Variants in GRIA2 observed in about 807,000 individuals in gnomAD.
GRIA2 encodes glutamate ionotropic receptor AMPA type subunit 2.
A neutral mutation model predicts 97.3 loss-of-function variants in GRIA2; 14 were observed. That is an observed-to-expected ratio of 0.14 (90% CI 0.10 to 0.23). The LOEUF is 0.23. Among genes scored for constraint, GRIA2 ranks in the 10% least tolerant of loss-of-function variants. The pLI is 1.00. For missense variants in GRIA2, 558 were observed against 1,069.8 expected, an observed-to-expected ratio of 0.52 and a Z score of 6.67; for synonymous variants, 412 against 387.8, an observed-to-expected ratio of 1.06 and a Z score of -0.73.
rs1729456442 is a variant in GRIA2, at chr4:157,220,814, A to G, written c.-229A>G. On this transcript the variant is annotated 5_prime_UTR_variant, in exon 1 of 16. Coordinates refer to ENST00000264426, the MANE Select transcript of GRIA2 (RefSeq NM_001083619.3). Reference sequence around the variant, plus strand: ...GCTCCGCTGAAAACTGCATTCAGCCAGTCCTCCGGACTTCTGGAGCGGGGA... The same window carrying G: ...GCTCCGCTGAAAACTGCATTCAGCCGGTCCTCCGGACTTCTGGAGCGGGGA... The G allele has an allele frequency of 1.8e-6, 1 of 561,646 alleles. No individual in the cohort carries two copies. The highest frequency in any genetic ancestry group is 1.9e-5 in the African/African-American group (1 of 52,842). The allele number at this position is 561,646 out of a possible 1,614,324, so 34.8% of individuals were successfully genotyped here. A position where few individuals can be genotyped will look rare whatever the true frequency, so the allele number is the denominator to read the frequency against.
chr4:157,360,649 A>G (rs991865497), intron 13 of GRIA2: 11 of 464,888 alleles, frequency 2.4e-5, no homozygotes, highest in Non-Finnish European at 4.2e-5. Flanking sequence ...CTTTGCACAC[A>G]TCTCTTTACT....
At chr4:157,359,373 T>G (rs1200549858) in intron 12 of GRIA2, among the ~76,000 whole-genome samples, 1 of 152,190 alleles carries the variant, frequency 6.6e-6, no homozygotes, top group Non-Finnish European at 1.5e-5. Flanking sequence ...AAATCAGTGT[T>G]ATTCTAGAAA....
rs560247739 is a variant in GRIA2, at chr4:157,237,777, G to A, written c.229+15970G>A. Among the ~76,000 whole-genome samples the A allele has an allele frequency of 5.3e-5, 8 of 152,254 alleles. No individual in the cohort carries two copies. The East Asian group carries it at 1.2e-3, about 22-fold the overall frequency. On this transcript the variant is annotated intron_variant, in intron 2 of 15. Transcript: ENST00000264426. The stretch of plus-strand genomic sequence containing the variant: ...TCTGGGGTCTCAGATCAATAAAAGA[G>A]GATGTCAGATTTTGAACATTAACGG...
chr4:157,341,206 T>C, intron 11 of GRIA2, 58 bp from the exon 12 acceptor site: 2 of 1,151,438 alleles, frequency 1.7e-6, no homozygotes, highest in South Asian at 2.5e-5. Context: ...ACTGCTAACT[T>C]GTTTTTTTAT....
chr4:157,294,251 T>G (rs368937616), intron 2 of GRIA2, among the ~76,000 whole-genome samples: 44 of 151,994 alleles, frequency 2.9e-4, no homozygotes, highest in African/African-American at 9.2e-4. Context: ...CTTATAGTCA[T>G]TTGAACATTT....
rs893019170 is a variant in GRIA2, at chr4:157,231,775, A to G, written c.229+9968A>G. On this transcript the variant is annotated intron_variant, in intron 2 of 15. Coordinates refer to ENST00000264426, the MANE Select transcript of GRIA2 (RefSeq NM_001083619.3). ...GAGAAAAGTTTGTCTCTTGTTTTAT[A>G]TTATACTGGTATTATATTTCTATTT... 2.6e-5 allele frequency among the ~76,000 whole-genome samples: 4 copies of G among 152,154 alleles called. No homozygotes were observed. The East Asian group carries it at 7.7e-4, about 29-fold the overall frequency.
chr4:157,232,757 T>C (rs1240141803), intron 2 of GRIA2, among the ~76,000 whole-genome samples: 1 of 152,180 alleles, frequency 6.6e-6, no homozygotes, highest in Admixed American at 6.5e-5. Flanking sequence ...GTTTTTCATC[T>C]GCGAAGATTA....
At chr4:157,255,756 A>G (rs1731213323) in intron 2 of GRIA2, among the ~76,000 whole-genome samples, 1 of 151,940 alleles carries the variant, frequency 6.6e-6, no homozygotes, top group Non-Finnish European at 1.5e-5. Context: ...TTGAATTTAC[A>G]AGGGACTCAA....
intron 12 of GRIA2, among the ~76,000 whole-genome samples, chr4:157,342,696 T>A (rs1477598222): frequency 6.6e-6 from 1 of 152,102 alleles, no homozygotes; most frequent in Non-Finnish European, 1.5e-5. Flanking sequence ...CAGTGTAGCT[T>A]GCTTTTATCT....
intron 2 of GRIA2, among the ~76,000 whole-genome samples, chr4:157,259,244 A>G (rs1017948050): frequency 6.6e-6 from 1 of 152,046 alleles, no homozygotes; most frequent in East Asian, 1.9e-4. Context: ...ATAAATAAAT[A>G]AAGTGAAGAG....
chr4:157,357,958 G>C (rs1161519651), intron 12 of GRIA2, among the ~76,000 whole-genome samples: 1 of 151,982 alleles, frequency 6.6e-6, no homozygotes, highest in Non-Finnish European at 1.5e-5. Context: ...ATATTTTAAT[G>C]CCTCAAAATT....
intron 2 of GRIA2, among the ~76,000 whole-genome samples, chr4:157,232,806 T>G (rs1265374543): frequency 6.6e-6 from 1 of 152,128 alleles, no homozygotes; most frequent in Non-Finnish European, 1.5e-5. Context: ...CCTTGGTGTC[T>G]TGGGATACAG....
At chr4:157,257,608 C>A (rs1336271045) in intron 2 of GRIA2, among the ~76,000 whole-genome samples, 1 of 151,958 alleles carries the variant, frequency 6.6e-6, no homozygotes, top group Admixed American at 6.6e-5. Context: ...ACTTGTGAGA[C>A]CAGTATATAA....
rs140287337 is a variant in GRIA2 at position 157,253,156 on chromosome 4, G to A, written c.229+31349G>A. ...TTTTGAGACAGGGTCTTGCTGTGTC[G>A]CCCAGGCTGAAGTGCAGTGGCATTA... On this transcript the variant is annotated intron_variant, in intron 2 of 15. Transcript: ENST00000264426. 9.9e-3 allele frequency among the ~76,000 whole-genome samples: 1,477 copies of A among 148,450 alleles called. 10 individuals carry two copies. Among genetic ancestry groups the A allele is most frequent in the Middle Eastern group, 0.028 (8 of 290 alleles).
chr4:157,342,426 A>G (rs1323335707), intron 12 of GRIA2: 2 of 983,990 alleles, frequency 2.0e-6, no homozygotes, highest in African/African-American at 1.7e-5. Flanking sequence ...AATAACAGAT[A>G]GTAACTTGGG....
intron 4 of GRIA2, among the ~76,000 whole-genome samples, chr4:157,313,108 T>A (rs1197633607): frequency 1.3e-5 from 2 of 152,236 alleles, no homozygotes; most frequent in African/African-American, 4.8e-5. Context: ...AATAAATAAT[T>A]CCTGACTTTT....
At chr4:157,304,017 C>T (rs1286496717) in intron 3 of GRIA2, among the ~76,000 whole-genome samples, 3 of 152,120 alleles carry the variant, frequency 2.0e-5, no homozygotes, top group Non-Finnish European at 4.4e-5. Context: ...GAGAGATAGA[C>T]TGTATCAACC....
At chr4:157,302,407 A>G (rs559996025) in intron 2 of GRIA2, among the ~76,000 whole-genome samples, 25 of 152,110 alleles carry the variant, frequency 1.6e-4, no homozygotes, top group Non-Finnish European at 2.6e-4. Context: ...TTGGGTAGAT[A>G]TTTCACTAGT....
chr4:157,284,377 A>G (rs1296402534), intron 2 of GRIA2, among the ~76,000 whole-genome samples: 1 of 151,800 alleles, frequency 6.6e-6, no homozygotes, highest in Non-Finnish European at 1.5e-5. Context: ...TCTGTTCTTC[A>G]TCTCATCCTT....
Sources: allele counts gnomAD v4.1 joint callset (sites outside exome capture counted in the v4.1 genomes callset), GRCh38; gene constraint gnomAD v4.1.1; transcripts MANE v1.5; gene names NCBI Gene and HGNC (gene_info 2026-07-23, HGNC 2026-07-21).